ANKRD13C: variants seen among roughly 807,000 people sequenced by gnomAD.
The protein encoded by ANKRD13C is ankyrin repeat domain-containing protein 13C.
In ANKRD13C, 16 loss-of-function variants were observed where a neutral mutation model predicts 65.5. The observed-to-expected ratio is 0.24, with a 90% CI of 0.17 to 0.37. ANKRD13C has a LOEUF of 0.37. Among genes scored for constraint, ANKRD13C ranks in the 10% least tolerant of loss-of-function variants. The pLI, the probability that ANKRD13C is intolerant of heterozygous loss-of-function variation, is 1.00. For missense variants in ANKRD13C, 503 were observed against 655.9 expected (o/e 0.77, Z 2.55); for synonymous variants, 235 against 238.7 (o/e 0.98, Z 0.14).
chr1:70,349,889 A>G (rs1192766884), intron 1 of ANKRD13C, among the ~76,000 whole-genome samples: 1 of 152,222 alleles, frequency 6.6e-6, no homozygotes, highest in Non-Finnish European at 1.5e-5. Flanking sequence ...TAATCCCAGC[A>G]CTTTTGTAGG....
chr1:70,264,804 A>T (rs762868774), intron 12 of ANKRD13C, among the ~76,000 whole-genome samples: 1 of 152,160 alleles, frequency 6.6e-6, no homozygotes, highest in Non-Finnish European at 1.5e-5. Context: ...AAAATAAAGC[A>T]TGACAGTAGA....
intron 2 of ANKRD13C, among the ~76,000 whole-genome samples, chr1:70,325,374 A>G (rs928639246): frequency 6.6e-6 from 1 of 152,234 alleles, no homozygotes; most frequent in Middle Eastern, 3.2e-3. Context: ...TTTATTTCAG[A>G]AACAAAAGTG....
rs781492757 is a variant in ANKRD13C at position 70,300,908 on chromosome 1, C to T, written c.777G>A (p.Arg259=). Residue 259 remains arginine, a splice_region_variant and synonymous_variant, in exon 7 of 13, where the codon AGG becomes AGA. Coordinates refer to ENST00000370944, the MANE Select transcript of ANKRD13C (RefSeq NM_030816.5). ...TAAAGTCTATGAGAGTTGTGTCAAGCCTGTGAAACATGGGTAGATGATAAA... is the reference window on the plus strand; with the variant it reads ...TAAAGTCTATGAGAGTTGTGTCAAGTCTGTGAAACATGGGTAGATGATAAA... The part of the protein sequence containing the change: ...CKIYKQGINI[R]LDTTLIDFTD... 1 of 1,605,868 alleles carries T rather than the reference C, an allele frequency of 6.2e-7. No homozygotes were observed. Among genetic ancestry groups the T allele is most frequent in the South Asian group, 1.1e-5 (1 of 88,698 alleles).
At position 70,333,324 on chromosome 1, in the gene ANKRD13C, G is replaced by GA. The variant is rs144392073; in HGVS notation, c.472+2733dup. Among the ~76,000 whole-genome samples the GA allele has an allele frequency of 7.4e-3, 1,093 of 147,258 alleles. 28 individuals carry two copies. Among genetic ancestry groups the GA allele is most frequent in the East Asian group, 0.064 (325 of 5,062 alleles). On this transcript the variant is annotated intron_variant, in intron 2 of 12. Transcript: ENST00000370944. ...CTAAAGTTCCAATCCAATGTTCTTT[G>GA]AAAAAAAAAAGCGCAAGTTTTTATT...
chr1:70,353,658 A>C (rs1268813045), intron 1 of ANKRD13C, among the ~76,000 whole-genome samples: 1 of 152,224 alleles, frequency 6.6e-6, no homozygotes, highest in Non-Finnish European at 1.5e-5. Context: ...CCATAAACAA[A>C]GGGAGAAAAC....
chr1:70,287,139 G>A (rs550301076), intron 9 of ANKRD13C, among the ~76,000 whole-genome samples: 26 of 151,654 alleles, frequency 1.7e-4, no homozygotes, highest in South Asian at 4.2e-4. Flanking sequence ...AAATTTACAC[G>A]ATAAATTTAA....
intron 1 of ANKRD13C, among the ~76,000 whole-genome samples, chr1:70,336,704 C>T (rs1194206922): frequency 6.6e-6 from 1 of 151,810 alleles, no homozygotes; most frequent in Non-Finnish European, 1.5e-5. Context: ...TTAAAGTGAT[C>T]CAAATCACCA....
chr1:70,351,675 C>A lies in ANKRD13C; in HGVS notation c.430+2304G>T, dbSNP rs146307246. Among the ~76,000 whole-genome samples, 961 of 152,294 alleles carry A rather than the reference C, an allele frequency of 6.3e-3. 12 individuals are homozygous for A. The highest frequency in any genetic ancestry group is 0.022 in the African/African-American group (929 of 41,570). On this transcript the variant is annotated intron_variant, in intron 1 of 12. Transcript: ENST00000370944. ...TCGGCCTCTCAAACTGCTGGGATTA[C>A]AGGTGTGAGCCACCGCACCTGGCCA...
intron 9 of ANKRD13C, among the ~76,000 whole-genome samples, chr1:70,280,224 G>A (rs1229370742): frequency 6.6e-6 from 1 of 152,102 alleles, no homozygotes. Context: ...ATAATTGAGG[G>A]TGACAGGGGC....
chr1:70,339,775 C>G (rs551612911), intron 1 of ANKRD13C, among the ~76,000 whole-genome samples: 105 of 150,226 alleles, frequency 7.0e-4, no homozygotes, highest in African/African-American at 2.5e-3. Context: ...TTCCTAATAT[C>G]TGTTATTTGT....
chr1:70,313,385 C>A (rs1306338719), intron 5 of ANKRD13C, among the ~76,000 whole-genome samples: 2 of 151,898 alleles, frequency 1.3e-5, no homozygotes, highest in Non-Finnish European at 2.9e-5. Context: ...AAATAATTAG[C>A]CAGGTGTGAC....
At chr1:70,276,074 A>T (rs1366197220) in intron 10 of ANKRD13C, among the ~76,000 whole-genome samples, 1 of 152,040 alleles carries the variant, frequency 6.6e-6, no homozygotes. Context: ...CTTCTTCCTA[A>T]ACAGGAGCAG....
At chr1:70,348,080 G>C (rs1682603797) in intron 1 of ANKRD13C, among the ~76,000 whole-genome samples, 1 of 151,814 alleles carries the variant, frequency 6.6e-6, no homozygotes, top group Non-Finnish European at 1.5e-5. Flanking sequence ...TTTCCATGCA[G>C]AGATTAGCTT....
chr1:70,263,209 T>G (rs1235120218), intron 12 of ANKRD13C, among the ~76,000 whole-genome samples: 1 of 152,208 alleles, frequency 6.6e-6, no homozygotes, highest in Non-Finnish European at 1.5e-5. Context: ...CTCTTCAGAT[T>G]ATAGTATATT....
intron 3 of ANKRD13C, among the ~76,000 whole-genome samples, chr1:70,322,435 A>G (rs1681350894): frequency 6.6e-6 from 1 of 152,178 alleles, no homozygotes; most frequent in Admixed American, 6.5e-5. Context: ...ATAATGGACA[A>G]TGGGATATTA....
chr1:70,350,753 A>G (rs1207226387), intron 1 of ANKRD13C, among the ~76,000 whole-genome samples: 2 of 152,252 alleles, frequency 1.3e-5, no homozygotes, highest in Non-Finnish European at 2.9e-5. Context: ...GGTTCATGAT[A>G]TGCTTTGGAG....
At chr1:70,329,271 T>C (rs890818378) in intron 2 of ANKRD13C, among the ~76,000 whole-genome samples, 12 of 152,086 alleles carry the variant, frequency 7.9e-5, no homozygotes, top group African/African-American at 2.9e-4. Context: ...TGGCTCACAC[T>C]TGTAATCCCA....
At chr1:70,276,876 TG>T in intron 9 of ANKRD13C, 32 bp from the exon 10 acceptor site, 1 of 1,502,692 alleles carries the variant, frequency 6.7e-7, no homozygotes, top group South Asian at 1.2e-5. Flanking sequence ...GAAAGTGGGG[TG>T]GGGGAGAAAG....
Position 70,276,861 on chromosome 1 carries a change from A to G in ANKRD13C, c.1216-17T>C, listed in dbSNP as rs1558265399. On this transcript the variant is annotated splice_polypyrimidine_tract_variant and intron_variant, in intron 9 of 12. Transcript: ENST00000370944. ...TCGAATCGGCTGCCAAAAAAAAAAA[A>G]GAAAGAAAGTGGGGTGGGGGAGAAA... 1 of 1,551,136 alleles carries G rather than the reference A, an allele frequency of 6.4e-7. No individual in the cohort carries two copies. Among genetic ancestry groups the G allele is most frequent in the Non-Finnish European group, 8.7e-7 (1 of 1,143,730 alleles).
Sources: gnomAD v4.1 joint callset for allele counts (sites outside exome capture counted in the v4.1 genomes callset) on GRCh38, gnomAD v4.1.1 for gene constraint, MANE v1.5 for transcripts, NCBI Gene and HGNC (gene_info 2026-07-23, HGNC 2026-07-21) for gene names.